Variants in SULF1 observed in about 807,000 individuals in gnomAD.
SULF1 encodes the protein sulfatase 1.
In SULF1, 46 loss-of-function variants were observed where a neutral mutation model predicts 110.5. That is an observed-to-expected ratio of 0.42 (90% confidence interval 0.33 to 0.53). The LOEUF is 0.53. SULF1 is among the 20% of genes least tolerant of loss of function. The pLI is 0.12. For missense variants in SULF1, 941 were observed against 1,094.2 expected (o/e 0.86, Z 1.98); for synonymous variants, 371 against 387.1 (o/e 0.96, Z 0.49).
chr8:69,594,018 C>A (rs1807100200), intron 8 of SULF1, among the ~76,000 whole-genome samples: 1 of 152,108 alleles, frequency 6.6e-6, no homozygotes, highest in Non-Finnish European at 1.5e-5. Context: ...ATGAACTATG[C>A]CCCTGTCAGC....
intron 3 of SULF1, among the ~76,000 whole-genome samples, chr8:69,525,809 A>G (rs893424617): frequency 2.0e-5 from 3 of 152,144 alleles, no homozygotes; most frequent in South Asian, 2.1e-4. Flanking sequence ...ACATTCTCAG[A>G]TGACCACAAT....
intron 22 of SULF1, chr8:69,642,137 A>G: frequency 1.4e-6 from 1 of 739,712 alleles, no homozygotes; most frequent in Non-Finnish European, 1.7e-6. Context: ...CTATATTAAT[A>G]TCTTCTTTAT....
chr8:69,530,637 C>A (rs528027277), intron 3 of SULF1, among the ~76,000 whole-genome samples: 148 of 152,240 alleles, frequency 9.7e-4, no homozygotes, highest in Middle Eastern at 3.4e-3. Context: ...TTTCCTCTAC[C>A]GTAGTAACCA....
intron 1 of SULF1, among the ~76,000 whole-genome samples, chr8:69,493,997 A>C (rs1810144388): frequency 6.6e-6 from 1 of 150,930 alleles, no homozygotes; most frequent in African/African-American, 2.4e-5. Flanking sequence ...AACAAGCCAA[A>C]AAACAAAGGG....
chr8:69,583,409 A>T lies in SULF1; in HGVS notation c.413-2948A>T, dbSNP rs867685098. 7.7e-5 allele frequency among the ~76,000 whole-genome samples: 11 copies of T among 142,120 alleles called. 1 individual carries two copies. In the South Asian group the frequency reaches 2.5e-3, roughly 32 times the overall value. 93.2% of individuals were successfully genotyped at this position (142,120 alleles called of 152,430 possible). ...ATGGTGAAACCCCATCTCTATTTAAAAAAAAAAAAAAAAAATTAGCCAGGT... is the reference window on the plus strand; with the variant it reads ...ATGGTGAAACCCCATCTCTATTTAATAAAAAAAAAAAAAAATTAGCCAGGT... On this transcript the variant is annotated intron_variant, in intron 6 of 22. Coordinates refer to ENST00000402687, the MANE Select transcript of SULF1 (RefSeq NM_001128205.2).
intron 3 of SULF1, among the ~76,000 whole-genome samples, chr8:69,534,721 G>A (rs78585238): frequency 3.3e-5 from 5 of 152,034 alleles, no homozygotes; most frequent in African/African-American, 1.2e-4. Flanking sequence ...AGTATTTGAA[G>A]GCAATTTGAG....
intron 3 of SULF1, among the ~76,000 whole-genome samples, chr8:69,531,292 A>G (rs1217715919): frequency 1.3e-5 from 2 of 152,214 alleles, no homozygotes; most frequent in Non-Finnish European, 2.9e-5. Context: ...GTATATGTGT[A>G]AATGAACAGT....
intron 5 of SULF1, among the ~76,000 whole-genome samples, chr8:69,572,273 T>C (rs941419440): frequency 3.3e-5 from 5 of 152,214 alleles, no homozygotes; most frequent in African/African-American, 1.2e-4. Flanking sequence ...GAAGACTGCC[T>C]GCATTTACTT....
At chr8:69,479,681 G>A (rs1809437031) in intron 1 of SULF1, among the ~76,000 whole-genome samples, 1 of 152,108 alleles carries the variant, frequency 6.6e-6, no homozygotes, top group Non-Finnish European at 1.5e-5. Context: ...GAATGTTGGA[G>A]GCATACCTTA....
At position 69,659,208 on chromosome 8, in the gene SULF1, C is replaced by A; in HGVS notation, c.*673C>A. 2.2e-6 allele frequency: 1 copy of A among 456,804 alleles called. No homozygotes were observed. 28.3% of individuals were successfully genotyped at this position (456,804 alleles called of 1,614,324 possible). A position where few individuals can be genotyped will look rare whatever the true frequency, so the allele number is the denominator to read the frequency against. ...TGTTCACCATGGCCACCGCAGAACA[C>A]CGAAGTAATTCCAGCATAGCGGGGA... On this transcript the variant is annotated 3_prime_UTR_variant, in exon 23 of 23. Transcript: ENST00000402687.
intron 3 of SULF1, among the ~76,000 whole-genome samples, chr8:69,556,432 T>G (rs1326929967): frequency 1.3e-5 from 2 of 152,220 alleles, no homozygotes; most frequent in Non-Finnish European, 2.9e-5. Context: ...AGGACAACAC[T>G]GCCCCCATCA....
chr8:69,508,026 A>G (rs1811310821), intron 3 of SULF1, among the ~76,000 whole-genome samples: 1 of 152,224 alleles, frequency 6.6e-6, no homozygotes. Context: ...CAGACACTAA[A>G]GTAAACCTCA....
At chr8:69,493,184 C>G (rs1196153051) in intron 1 of SULF1, 59 bp downstream of exon 1, 1 of 152,568 alleles carries the variant, frequency 6.6e-6, no homozygotes, top group Non-Finnish European at 1.5e-5. Flanking sequence ...TCCTTCCTGT[C>G]CCTGTCCTTT....
intron 19 of SULF1, among the ~76,000 whole-genome samples, chr8:69,630,122 C>A (rs76277463): frequency 6.6e-6 from 1 of 152,194 alleles, no homozygotes; most frequent in Non-Finnish European, 1.5e-5. Context: ...AGGGCCCATA[C>A]TCTACTTATT....
At chr8:69,475,349 GCAGAGA>G (rs1809256041) in intron 1 of SULF1, among the ~76,000 whole-genome samples, 1 of 151,900 alleles carries the variant, frequency 6.6e-6, no homozygotes, top group Admixed American at 6.6e-5. Context: ...CAGTGAGTGA[GCAGAGA>G]CAGAGAGAGA....
At chr8:69,533,395 C>G (rs770946587) in intron 3 of SULF1, among the ~76,000 whole-genome samples, 1 of 152,052 alleles carries the variant, frequency 6.6e-6, no homozygotes, top group African/African-American at 2.4e-5. Context: ...CTGATGTTCT[C>G]CCTCCCTCCG....
intron 22 of SULF1, chr8:69,642,522 G>C (rs901934328): frequency 8.0e-5 from 36 of 450,102 alleles, no homozygotes; most frequent in Non-Finnish European, 1.0e-4. Context: ...CCATCCTTGA[G>C]CTGGTCTCCC....
intron 1 of SULF1, among the ~76,000 whole-genome samples, chr8:69,493,505 A>C (rs987774654): frequency 3.3e-5 from 5 of 151,296 alleles, no homozygotes; most frequent in African/African-American, 4.9e-5. Flanking sequence ...TTTTGCCCTT[A>C]AGAGGAGCCC....
chr8:69,530,671 A>G (rs887390976), intron 3 of SULF1, among the ~76,000 whole-genome samples: 2 of 152,138 alleles, frequency 1.3e-5, no homozygotes, highest in Non-Finnish European at 1.5e-5. Context: ...AATGAATTGT[A>G]CCTCTTTCCA....
Sources: allele counts gnomAD v4.1 joint callset (sites outside exome capture counted in the v4.1 genomes callset), GRCh38; gene constraint gnomAD v4.1.1; transcripts MANE v1.5; gene names NCBI Gene and HGNC (gene_info 2026-07-23, HGNC 2026-07-21).